FLRT1: variants seen among roughly 807,000 people sequenced by gnomAD.
The protein encoded by FLRT1 is leucine-rich repeat transmembrane protein FLRT1.
In FLRT1, 14 loss-of-function variants were observed where a neutral mutation model predicts 30.9. The ratio of observed to expected loss-of-function variants is 0.45; its 90% CI spans 0.30 to 0.71. The LOEUF (loss-of-function observed/expected upper bound fraction) is 0.71, where lower values mean the gene tolerates loss of function less well. FLRT1 is among the 30% of genes least tolerant of loss of function. The pLI is 0.08. For synonymous variants in FLRT1, 368 were observed against 430.4 expected, an observed-to-expected ratio of 0.85 and a Z score of 1.80; for missense variants, 737 against 949.2, an observed-to-expected ratio of 0.78 and a Z score of 2.94.
chr11:64,117,356 C>G lies in FLRT1; in HGVS notation c.1089C>G (p.Val363=), dbSNP rs550169038. 1 of 1,613,696 alleles carries G rather than the reference C, an allele frequency of 6.2e-7. No individual in the cohort carries two copies. Among genetic ancestry groups the G allele is most frequent in the South Asian group, 1.1e-5 (1 of 91,058 alleles). The change falls in exon 3 of 3, where the codon GTC becomes GTG. Residue 363 remains valine (V), a synonymous_variant. Transcript: ENST00000682287. ...RGLMCQGPEK[V]RGMAIKDITS... ...TCATGTGCCAGGGCCCTGAGAAGGTCCGGGGCATGGCCATCAAGGACATTA... is the reference window on the plus strand; with the variant it reads ...TCATGTGCCAGGGCCCTGAGAAGGTGCGGGGCATGGCCATCAAGGACATTA...
rs71045731 is a variant in FLRT1 at position 64,064,843 on chromosome 11, C to CTCATTCATTCATTCAT, written c.-1038+28702_-1038+28717dup. Among the ~76,000 whole-genome samples the CTCATTCATTCATTCAT allele has an allele frequency of 5.3e-5, 8 of 150,448 alleles. No individual in the cohort carries two copies. In the South Asian group the frequency reaches 6.4e-4, roughly 12 times the overall value. ...CAAGAGGCTAGAGTTTCACAAGGAC[C>CTCATTCATTCATTCAT]TCATTCATTCATTCATTCATTCATT... is the stretch of plus-strand genomic sequence containing the variant. On this transcript the variant is annotated intron_variant, in intron 1 of 2. Coordinates refer to ENST00000682287, the MANE Select transcript of FLRT1 (RefSeq NM_013280.5). The surrounding 1 kb of genome is among the most constrained non-coding windows in gnomAD (Gnocchi z 4.5).
chr11:64,087,170 G>A (rs1944409731), intron 1 of FLRT1: 1 of 152,198 alleles, frequency 6.6e-6, no homozygotes, highest in African/African-American at 2.4e-5. Flanking sequence ...ATAAATGACG[G>A]CACGGTTCAG....
At chr11:64,038,097 C>G (rs1242512317) in intron 1 of FLRT1, among the ~76,000 whole-genome samples, 1 of 152,162 alleles carries the variant, frequency 6.6e-6, no homozygotes. Context: ...GCCCTGTGTC[C>G]CCTCCTCCCC....
At chr11:64,108,863 G>A (rs536421640) in intron 2 of FLRT1, among the ~76,000 whole-genome samples, 3 of 152,294 alleles carry the variant, frequency 2.0e-5, no homozygotes, top group African/African-American at 4.8e-5. Flanking sequence ...CCCAGGGTCT[G>A]CAGCAACCAC....
intron 1 of FLRT1, among the ~76,000 whole-genome samples, chr11:64,043,918 A>G (rs1943536607): frequency 6.6e-6 from 1 of 151,348 alleles, no homozygotes; most frequent in African/African-American, 2.4e-5. Flanking sequence ...GGTTCAAGCT[A>G]TTCTCCTGCC....
In FLRT1 at chr11:64,117,346, C is replaced by T. The variant is rs1945007074; in HGVS notation, c.1079C>T (p.Pro360Leu). Residue 360 changes from proline (P) to leucine (L), a missense_variant, in exon 3 of 3, where the codon CCT (proline) becomes CTT (leucine). Coordinates refer to ENST00000682287, the MANE Select transcript of FLRT1 (RefSeq NM_013280.5). Reference protein sequence around the residue: ...VNVRGLMCQGPEKVRGMAIKD... With the variant: ...VNVRGLMCQGLEKVRGMAIKD... ...GTGCGGGGCCTCATGTGCCAGGGCC[C>T]TGAGAAGGTCCGGGGCATGGCCATC... 1 of 1,613,920 alleles carries T rather than the reference C, an allele frequency of 6.2e-7. No homozygotes were observed. The highest frequency in any genetic ancestry group is 8.5e-7 in the Non-Finnish European group (1 of 1,179,882).
intron 1 of FLRT1, among the ~76,000 whole-genome samples, chr11:64,073,082 C>T (rs1347032558): frequency 6.6e-6 from 1 of 152,190 alleles, no homozygotes; most frequent in African/African-American, 2.4e-5. Flanking sequence ...TGTCCCTGCT[C>T]CAGGGTGCCC....
chr11:64,060,307 T>C (rs1943875625), intron 1 of FLRT1: 1 of 152,178 alleles, frequency 6.6e-6, no homozygotes, highest in Non-Finnish European at 1.5e-5. Flanking sequence ...TGCAGGCCGA[T>C]CTGGGCCTCA....
chr11:64,118,243 G>A lies in FLRT1; in HGVS notation c.1976G>A (p.Arg659Gln), dbSNP rs757351313. The change falls in exon 3 of 3, where the codon CGG becomes CAG. Residue 659 changes from arginine to glutamine, a missense_variant. By Grantham distance (43) the Arg-to-Gln change is conservative (BLOSUM62 1). Transcript: ENST00000682287. ...ATHTIGYGTT[R>Q]GYRDGGIPDI... ...CACACCATTGGCTACGGCACCACGC[G>A]GGGCTACCGGGACGGCGGCATCCCC... 8.1e-6 allele frequency: 13 copies of A among 1,605,226 alleles called. No homozygotes were observed. Among genetic ancestry groups the A allele is most frequent in the East Asian group, 2.2e-5 (1 of 44,702 alleles).
chr11:64,046,851 C>T (rs1943593639), intron 1 of FLRT1, among the ~76,000 whole-genome samples: 2 of 152,184 alleles, frequency 1.3e-5, no homozygotes, highest in South Asian at 4.1e-4. Flanking sequence ...GAAGTCTTCC[C>T]CATCCCTGCC....
chr11:64,076,000 A>C (rs1392563605), intron 1 of FLRT1, among the ~76,000 whole-genome samples: 1 of 152,136 alleles, frequency 6.6e-6, no homozygotes, highest in East Asian at 1.9e-4. Context: ...GCATGCTGCT[A>C]CCTCAGGCTG....
intron 1 of FLRT1, among the ~76,000 whole-genome samples, chr11:64,066,329 AGGCCAAGCATG>A (rs757965714): frequency 9.1e-4 from 133 of 146,902 alleles, no homozygotes; most frequent in Non-Finnish European, 1.7e-3. Context: ...AGATGAATTT[AGGCCAAGCATG>A]GGTGGCTCAC....
chr11:64,069,123 G>A (rs973096628), intron 1 of FLRT1, among the ~76,000 whole-genome samples: 11 of 152,214 alleles, frequency 7.2e-5, no homozygotes, highest in African/African-American at 2.4e-4. Flanking sequence ...TGAGGGTGAC[G>A]GTGTCCAGCA....
In FLRT1 at chr11:64,118,977, C is replaced by T. The variant is rs1304113238; in HGVS notation, c.*685C>T. The T allele has an allele frequency of 1.2e-5, 2 of 167,006 alleles. No individual in the cohort carries two copies. Among genetic ancestry groups the T allele is most frequent in the Non-Finnish European group, 2.9e-5 (2 of 68,100 alleles). The allele number at this position is 167,006 out of a possible 1,614,324, so 10.3% of individuals were successfully genotyped here. A position where few individuals can be genotyped will look rare whatever the true frequency, so the allele number is the denominator to read the frequency against. On this transcript the variant is annotated 3_prime_UTR_variant, in exon 3 of 3. Coordinates refer to ENST00000682287, the MANE Select transcript of FLRT1 (RefSeq NM_013280.5). ...TCCTAGGCTGAAGCCCTCTTCAGTT[C>T]CATGCACCACGCTCCGTAGAAGCCC...
At chr11:64,047,184 C>G (rs1016477784) in intron 1 of FLRT1, among the ~76,000 whole-genome samples, 21 of 152,256 alleles carry the variant, frequency 1.4e-4, no homozygotes, top group Non-Finnish European at 2.6e-4. Context: ...ACCTGTGGTG[C>G]CCCCCTCCCC....
chr11:64,080,555 C>T (rs779322349), intron 1 of FLRT1, among the ~76,000 whole-genome samples: 7 of 152,092 alleles, frequency 4.6e-5, no homozygotes, highest in East Asian at 3.9e-4. Context: ...AGAGAGGTGG[C>T]GAGGGTTGAA....
intron 1 of FLRT1, among the ~76,000 whole-genome samples, chr11:64,093,085 C>G (rs1486435102): frequency 1.3e-5 from 2 of 152,120 alleles, no homozygotes; most frequent in East Asian, 3.8e-4. Context: ...GGAGCAGACC[C>G]CCTGTGGGAC....
At chr11:64,041,591 A>G (rs139699193) in intron 1 of FLRT1, among the ~76,000 whole-genome samples, 4 of 151,280 alleles carry the variant, frequency 2.6e-5, no homozygotes, top group African/African-American at 9.7e-5. Context: ...GAACAGATGA[A>G]TGAATGGAAA....
intron 1 of FLRT1, among the ~76,000 whole-genome samples, chr11:64,063,118 C>G (rs1307807840): frequency 1.3e-5 from 2 of 152,150 alleles, no homozygotes. Context: ...ACAACGCGGG[C>G]AGCAGAGAGG....
Sources: allele counts gnomAD v4.1 joint callset (sites outside exome capture counted in the v4.1 genomes callset), GRCh38; gene constraint gnomAD v4.1.1; non-coding constraint Gnocchi (gnomAD v3.1); transcripts MANE v1.5; gene names NCBI Gene and HGNC (gene_info 2026-07-23, HGNC 2026-07-21).